The following ARL17A variants were observed in gnomAD, a reference collection of about 807,000 sequenced individuals.
ARL17A encodes ADP-ribosylation factor-like 17-like.
chr17:46,534,203 T>G (rs1393904356), intron 4 of ARL17A, among the ~76,000 whole-genome samples: 1 of 138,334 alleles, frequency 7.2e-6, no homozygotes, highest in East Asian at 2.0e-4. Context: ...TTTTGTTTTT[T>G]TTAATTTTTT....
chr17:46,500,714 T>C, the ARL17A span, among the ~76,000 whole-genome samples: 3 of 151,226 alleles, frequency 2.0e-5, no homozygotes, highest in African/African-American at 2.5e-5. Flanking sequence ...TTTTTTCCAA[T>C]ATCTTCATGA....
intron 3 of ARL17A, among the ~76,000 whole-genome samples, chr17:46,568,892 G>A (rs2057606612): frequency 7.7e-6 from 1 of 130,242 alleles, no homozygotes; most frequent in South Asian, 2.5e-4. Context: ...TGATCCAGAT[G>A]CAAACAAAGC....
At chr17:46,528,710 G>C, downstream of ARL17A, 1 of 646,452 alleles carries the variant, frequency 1.5e-6, no homozygotes, top group South Asian at 1.6e-5. Context: ...GGGCAACAGA[G>C]TGAGACTTCA....
At chr17:46,541,226 G>A (rs1490313500) in intron 3 of ARL17A, among the ~76,000 whole-genome samples, 2 of 149,526 alleles carry the variant, frequency 1.3e-5, no homozygotes, top group Admixed American at 1.3e-4. Flanking sequence ...ATAGCCTCTT[G>A]TGTTTGGCTC....
intron 3 of ARL17A, among the ~76,000 whole-genome samples, chr17:46,539,248 C>T (rs2054820138): frequency 9.9e-6 from 1 of 101,206 alleles, no homozygotes; most frequent in Non-Finnish European, 2.2e-5. Context: ...GGTCTCTGCC[C>T]TCAAAGCGCT....
At position 46,529,020 on chromosome 17, in the gene ARL17A, T is replaced by G. The variant is rs1425840734; in HGVS notation, c.336-161A>C. On this transcript the variant is annotated intron_variant, in intron 4 of 4. Coordinates refer to the ARL17A transcript ENST00000329240. ...TTCTAGCATAGATCATTTTGGAGTT[T>G]GTCATTTAAATTTATTTTCACAGCC... Among the ~76,000 whole-genome samples, 2 of 95,002 alleles carry G rather than the reference T, an allele frequency of 2.1e-5. 1 individual carries two copies. The highest frequency in any genetic ancestry group is 7.3e-5 in the African/African-American group (2 of 27,374). 62.3% of individuals were successfully genotyped at this position (95,002 alleles called of 152,430 possible).
chr17:46,503,225 AAT>A, the ARL17A span, among the ~76,000 whole-genome samples: 1 of 131,182 alleles, frequency 7.6e-6, no homozygotes, highest in Non-Finnish European at 1.6e-5. Context: ...AAAAAAAAAA[AAT>A]AGTCTTCATT....
At chr17:46,568,455 ATAAAG>A (rs1262122800) in intron 3 of ARL17A, among the ~76,000 whole-genome samples, 1 of 129,702 alleles carries the variant, frequency 7.7e-6, no homozygotes, top group Non-Finnish European at 1.6e-5. Context: ...TGGCACTATA[ATAAAG>A]TAATCAACCA....
the ARL17A span, among the ~76,000 whole-genome samples, chr17:46,501,502 A>G: frequency 6.6e-6 from 1 of 151,248 alleles, no homozygotes; most frequent in African/African-American, 2.5e-5. Flanking sequence ...TGAATTTAAA[A>G]TGTGTGGGCG....
intron 3 of ARL17A, among the ~76,000 whole-genome samples, chr17:46,543,182 A>G (rs1404277766): frequency 4.0e-5 from 6 of 150,634 alleles, no homozygotes; most frequent in Non-Finnish European, 8.8e-5. Flanking sequence ...ACATTGAACT[A>G]AATGTCTTAT....
At chr17:46,541,742 G>T (rs2055361379) in intron 3 of ARL17A, among the ~76,000 whole-genome samples, 1 of 150,818 alleles carries the variant, frequency 6.6e-6, no homozygotes, top group Non-Finnish European at 1.5e-5. Flanking sequence ...TTAAAATACA[G>T]TATAATTATG....
intron 4 of ARL17A, among the ~76,000 whole-genome samples, chr17:46,534,145 C>G (rs576313609): frequency 3.6e-4 from 53 of 147,152 alleles, no homozygotes; most frequent in Middle Eastern, 6.9e-3. Flanking sequence ...TCCTGGGTAG[C>G]TGAGACTACA....
intron 4 of ARL17A, among the ~76,000 whole-genome samples, chr17:46,535,304 G>A (rs2054520299): frequency 7.0e-6 from 1 of 142,932 alleles, no homozygotes; most frequent in Admixed American, 6.8e-5. Context: ...TTTGGCTTCT[G>A]TCAGTTTGAT....
At chr17:46,501,939 C>A in the ARL17A span, among the ~76,000 whole-genome samples, 2 of 151,262 alleles carry the variant, frequency 1.3e-5, no homozygotes, top group Non-Finnish European at 2.9e-5. Context: ...GGTTCCACTT[C>A]CTGTGACTGA....
At chr17:46,541,414 G>C (rs1026696447) in intron 3 of ARL17A, among the ~76,000 whole-genome samples, 4 of 147,986 alleles carry the variant, frequency 2.7e-5, no homozygotes, top group Admixed American at 2.7e-4. Flanking sequence ...ACCACACCTG[G>C]CTAATTTTTG....
At chr17:46,543,909 G>C (rs1598479907) in intron 3 of ARL17A, among the ~76,000 whole-genome samples, 2 of 148,050 alleles carry the variant, frequency 1.4e-5, no homozygotes, top group East Asian at 3.9e-4. Context: ...TTGTGCCCAG[G>C]AGTTCGAGAC....
chr17:46,534,682 T>C lies in ARL17A; in HGVS notation c.335+3669A>G, dbSNP rs1348665626. Among the ~76,000 whole-genome samples the C allele has an allele frequency of 1.3e-5, 2 of 149,888 alleles. 1 individual carries two copies. Among genetic ancestry groups the C allele is most frequent in the African/African-American group, 5.1e-5 (2 of 39,600 alleles). ...CTATTCAACAAAACCACCATCGTCATCATGGCCCGTTCTCAATGAGCTGTT... is the reference window on the plus strand; with the variant it reads ...CTATTCAACAAAACCACCATCGTCACCATGGCCCGTTCTCAATGAGCTGTT... On this transcript the variant is annotated intron_variant, in intron 4 of 4. Coordinates refer to the ARL17A transcript ENST00000329240.
the ARL17A span, among the ~76,000 whole-genome samples, chr17:46,501,205 A>G: frequency 1.1e-4 from 17 of 151,134 alleles, no homozygotes; most frequent in Non-Finnish European, 2.1e-4. Flanking sequence ...TTTGAGACGG[A>G]GTCTCTGTTG....
At position 46,553,009 on chromosome 17, in the gene ARL17A, C is replaced by A. The variant is rs1448509654; in HGVS notation, c.*4347G>T. Among the ~76,000 whole-genome samples, 1 of 142,946 alleles carries A rather than the reference C, an allele frequency of 7.0e-6. No individual in the cohort carries two copies. The highest frequency in any genetic ancestry group is 1.5e-5 in the Non-Finnish European group (1 of 66,784). The allele number at this position is 142,946 out of a possible 152,430, so 93.8% of individuals were successfully genotyped here. Reference sequence around the variant, plus strand: ...GGTTGAGGCTACAGTGAGCTGTGATCGTGACACCGCACTCCATCCTGAGTA... The same window carrying A: ...GGTTGAGGCTACAGTGAGCTGTGATAGTGACACCGCACTCCATCCTGAGTA... On this transcript the variant is annotated 3_prime_UTR_variant, in exon 4 of 4. Coordinates refer to ENST00000336125, the MANE Select transcript of ARL17A (RefSeq NM_001113738.2).
Sources: gnomAD v4.1 joint callset for allele counts (sites outside exome capture counted in the v4.1 genomes callset) on GRCh38, gnomAD v4.1.1 for gene constraint, MANE v1.5 for transcripts, NCBI Gene and HGNC (gene_info 2026-07-23, HGNC 2026-07-21) for gene names.